The following ITM2B variants were observed in gnomAD, a reference collection of about 807,000 sequenced individuals.
ITM2B encodes the protein ABri/ADan amyloid peptide.
Under a neutral mutation model 27.8 loss-of-function variants are expected in ITM2B, and 11 were observed. The observed-to-expected ratio is 0.40, with a 90% CI of 0.25 to 0.66. The LOEUF is 0.66. Among genes scored for constraint, ITM2B ranks in the 30% least tolerant of loss-of-function variants. The probability of loss-of-function intolerance (pLI) is 0.43; values close to 1 mark genes in which losing one functional copy is unlikely to be tolerated. For synonymous variants in ITM2B, 114 were observed against 114.3 expected, an observed-to-expected ratio of 1.00 and a Z score of 0.02; for missense variants, 296 against 328.9, an observed-to-expected ratio of 0.90 and a Z score of 0.77.
chr13:48,253,999 T>A, intron 2 of ITM2B, 63 bp downstream of exon 2: 1 of 1,506,782 alleles, frequency 6.6e-7, no homozygotes, highest in African/African-American at 1.4e-5. Flanking sequence ...CCGATGTGCA[T>A]TACAAAATTG....
In ITM2B at chr13:48,261,228, G is replaced by A; in HGVS notation, c.*4G>A. 6.3e-7 allele frequency: 1 copy of A among 1,591,598 alleles called. No individual in the cohort carries two copies. The highest frequency in any genetic ancestry group is 8.6e-7 in the Non-Finnish European group (1 of 1,160,124). On this transcript the variant is annotated 3_prime_UTR_variant, in exon 6 of 6. Coordinates refer to ENST00000647800, the MANE Select transcript of ITM2B (RefSeq NM_021999.5). ...GGAAACTTTAATTTGTTCTTGAACA[G>A]TCAAGAAAAACATTATTGAGGAAAA...
intron 2 of ITM2B, chr13:48,255,035 C>G (rs1282904708): frequency 6.6e-6 from 1 of 152,014 alleles, no homozygotes; most frequent in Admixed American, 6.6e-5. Context: ...GCCACCACTC[C>G]TGGCTAATTT....
intron 1 of ITM2B, among the ~76,000 whole-genome samples, chr13:48,234,199 CTAA>C (rs1566156645): frequency 1.3e-5 from 2 of 152,100 alleles, no homozygotes; most frequent in Non-Finnish European, 2.9e-5. Flanking sequence ...CTGCGTGAAA[CTAA>C]ACATGAGAAA....
intron 1 of ITM2B, among the ~76,000 whole-genome samples, chr13:48,245,746 G>A (rs908575850): frequency 2.6e-5 from 4 of 151,034 alleles, no homozygotes; most frequent in African/African-American, 7.3e-5. Flanking sequence ...ATGTTAATGA[G>A]GAATCTGTTT....
chr13:48,258,938 A>G lies in ITM2B; in HGVS notation c.706A>G (p.Thr236Ala). 6.2e-7 allele frequency: 1 copy of G among 1,612,598 alleles called. No homozygotes were observed. Residue 236 changes from threonine (T) to alanine (A), a missense_variant, in exon 5 of 6, where the codon ACT becomes GCT. Coordinates refer to ENST00000647800, the MANE Select transcript of ITM2B (RefSeq NM_021999.5). ...KETYKLQRRE[T>A]IKGIQKREAS... ...AACTTACAAACTGCAACGCAGAGAA[A>G]CTATTAAAGGTAATACTTTTTAAAT...
intron 2 of ITM2B, among the ~76,000 whole-genome samples, chr13:48,254,207 T>TATTTTC (rs1951772709): frequency 6.6e-6 from 1 of 152,214 alleles, no homozygotes; most frequent in South Asian, 2.1e-4. Context: ...TACTAACCTT[T>TATTTTC]ATTTTCCTAC....
At chr13:48,246,408 A>G (rs1951724964) in intron 1 of ITM2B, among the ~76,000 whole-genome samples, 1 of 152,254 alleles carries the variant, frequency 6.6e-6, no homozygotes, top group African/African-American at 2.4e-5. Context: ...CAAAATTCAG[A>G]TACTGATTTA....
intron 4 of ITM2B, 40 bp downstream of exon 4, chr13:48,258,276 A>G (rs1951801665): frequency 3.0e-6 from 3 of 993,554 alleles, no homozygotes; most frequent in African/African-American, 1.6e-5. Flanking sequence ...TGATGCCTTC[A>G]TAGTGTTCTG....
chr13:48,252,745 A>G (rs1462905095), intron 1 of ITM2B, among the ~76,000 whole-genome samples: 2 of 152,220 alleles, frequency 1.3e-5, no homozygotes, highest in Non-Finnish European at 1.5e-5. Flanking sequence ...AGCCTACTCC[A>G]TAGTGGGTTT....
intron 1 of ITM2B, among the ~76,000 whole-genome samples, chr13:48,242,204 A>G (rs1267916769): frequency 6.6e-6 from 1 of 152,124 alleles, no homozygotes; most frequent in East Asian, 1.9e-4. Flanking sequence ...GTATTGTAGT[A>G]TACTTTTATT....
chr13:48,259,070 T>G, intron 5 of ITM2B, 123 bp downstream of exon 5: 1 of 669,536 alleles, frequency 1.5e-6, no homozygotes, highest in Non-Finnish European at 2.5e-6. Flanking sequence ...TGTGTCGTTA[T>G]ATAATATTTC....
At chr13:48,247,989 A>G (rs1421893212) in intron 1 of ITM2B, among the ~76,000 whole-genome samples, 1 of 152,086 alleles carries the variant, frequency 6.6e-6, no homozygotes, top group African/African-American at 2.4e-5. Flanking sequence ...CACCAGTTTT[A>G]TTGCAGTAGA....
At position 48,270,193 on chromosome 13, in the gene ITM2B, A is replaced by G. The variant is rs1273416754; in HGVS notation, c.*8969A>G. 3.3e-5 allele frequency: 5 copies of G among 152,334 alleles called. No homozygotes were observed. The highest frequency in any genetic ancestry group is 9.6e-5 in the African/African-American group (4 of 41,564). 9.4% of individuals were successfully genotyped at this position (152,334 alleles called of 1,614,324 possible). On this transcript the variant is annotated 3_prime_UTR_variant, in exon 6 of 6. Coordinates refer to ENST00000647800, the MANE Select transcript of ITM2B (RefSeq NM_021999.5). ...TGGCTATGAGCATTGCTCCTTATCTATGCCTCTGCTCTTAGACTTTTCCAT... is the reference window on the plus strand; with the variant it reads ...TGGCTATGAGCATTGCTCCTTATCTGTGCCTCTGCTCTTAGACTTTTCCAT...
In ITM2B at chr13:48,233,242, T is replaced by G. The variant is rs1951644974; in HGVS notation, c.-119T>G. On this transcript the variant is annotated 5_prime_UTR_variant, in exon 1 of 6. Transcript: ENST00000647800. ...CTGCCGCCGCGGAGCTTCCCGAACC[T>G]CTTCAGCCGCCCGGAGCCGCTCCCG... The G allele has an allele frequency of 1.7e-6, 1 of 571,910 alleles. No individual in the cohort carries two copies. Among genetic ancestry groups the G allele is most frequent in the Non-Finnish European group, 3.0e-6 (1 of 338,184 alleles). 35.4% of individuals were successfully genotyped at this position (571,910 alleles called of 1,614,324 possible).
In ITM2B at chr13:48,265,413, C is replaced by T. The variant is rs1951846966; in HGVS notation, c.*4189C>T. On this transcript the variant is annotated 3_prime_UTR_variant, in exon 6 of 6. Transcript: ENST00000647800. ...CCAGAAACCCCACAGTCTTCACAGTCACTGTGTCCTCCACCTCCTAGCAGC... is the reference window on the plus strand; with the variant it reads ...CCAGAAACCCCACAGTCTTCACAGTTACTGTGTCCTCCACCTCCTAGCAGC... The T allele has an allele frequency of 6.6e-6, 1 of 152,282 alleles. No homozygotes were observed. Among genetic ancestry groups the T allele is most frequent in the Admixed American group, 6.5e-5 (1 of 15,268 alleles). 9.4% of individuals were successfully genotyped at this position (152,282 alleles called of 1,614,324 possible).
At chr13:48,260,061 A>G (rs1181635708) in intron 5 of ITM2B, among the ~76,000 whole-genome samples, 1 of 151,850 alleles carries the variant, frequency 6.6e-6, no homozygotes, top group Non-Finnish European at 1.5e-5. Context: ...ATGTGTTCTT[A>G]TTGTTCACCT....
chr13:48,253,760 T>C (rs778039773), intron 1 of ITM2B, 48 bp from the exon 2 acceptor site: 2 of 1,583,760 alleles, frequency 1.3e-6, no homozygotes, highest in South Asian at 2.2e-5. Flanking sequence ...GAGCCTTCTG[T>C]TATTCTGTCT....
At chr13:48,250,996 G>A (rs903796116) in intron 1 of ITM2B, among the ~76,000 whole-genome samples, 1 of 152,208 alleles carries the variant, frequency 6.6e-6, no homozygotes, top group African/African-American at 2.4e-5. Flanking sequence ...GTGGATAAGT[G>A]AAGTATTTGT....
Position 48,261,248 on chromosome 13 carries a change from G to A in ITM2B, c.*24G>A, listed in dbSNP as rs1433758609. On this transcript the variant is annotated 3_prime_UTR_variant, in exon 6 of 6. Transcript: ENST00000647800. ...GAACAGTCAAGAAAAACATTATTGA[G>A]GAAAATTAATATCACAGCATAACCC... The A allele has an allele frequency of 1.3e-6, 2 of 1,498,980 alleles. No homozygotes were observed. The highest frequency in any genetic ancestry group is 1.9e-6 in the Non-Finnish European group (2 of 1,075,996). 92.9% of individuals were successfully genotyped at this position (1,498,980 alleles called of 1,614,324 possible).
Sources: allele counts gnomAD v4.1 joint callset (sites outside exome capture counted in the v4.1 genomes callset), GRCh38; gene constraint gnomAD v4.1.1; transcripts MANE v1.5; gene names NCBI Gene and HGNC (gene_info 2026-07-23, HGNC 2026-07-21).